PDGFRA: variants seen among roughly 807,000 people sequenced by gnomAD.
PDGFRA encodes platelet derived growth factor receptor alpha.
A neutral mutation model predicts 121.5 loss-of-function variants in PDGFRA; 25 were observed. The observed-to-expected ratio is 0.21, with a 90% CI of 0.15 to 0.29. The LOEUF is 0.29. PDGFRA is among the 10% of genes least tolerant of loss of function. PDGFRA has a pLI of 1.00. For missense variants in PDGFRA, 1,008 were observed against 1,345.1 expected (o/e 0.75, Z 3.92); for synonymous variants, 463 against 494.8 (o/e 0.94, Z 0.85).
At chr4:54,280,808 GCTGT>G (rs536985185) in intron 16 of PDGFRA, 280 of 172,386 alleles carry the variant, frequency 1.6e-3, no homozygotes, top group Non-Finnish European at 2.9e-3. Flanking sequence ...CTTTTTTATT[GCTGT>G]CTTTTTCTTT....
intron 16 of PDGFRA, among the ~76,000 whole-genome samples, chr4:54,282,173 C>T (rs1164786936): frequency 1.3e-5 from 2 of 151,632 alleles, no homozygotes; most frequent in African/African-American, 2.4e-5. Context: ...TTTGTGTGTG[C>T]GTGTATGTCT....
At chr4:54,281,916 A>G in intron 16 of PDGFRA, 2 of 1,157,596 alleles carry the variant, frequency 1.7e-6, no homozygotes, top group Non-Finnish European at 2.1e-6. Context: ...TTTATTAACA[A>G]ATTATAAGCA....
chr4:54,293,009 C>T (rs749009931), intron 22 of PDGFRA, among the ~76,000 whole-genome samples: 1 of 152,156 alleles, frequency 6.6e-6, no homozygotes, highest in Non-Finnish European at 1.5e-5. Flanking sequence ...AACCTGCACA[C>T]GTGCCCTTGA....
intron 22 of PDGFRA, among the ~76,000 whole-genome samples, chr4:54,291,776 G>A (rs1464162179): frequency 6.6e-6 from 1 of 152,148 alleles, no homozygotes; most frequent in Non-Finnish European, 1.5e-5. Context: ...TCCCATTACT[G>A]GGTATATAAC....
intron 18 of PDGFRA, among the ~76,000 whole-genome samples, chr4:54,286,197 G>A (rs1369234049): frequency 1.3e-5 from 2 of 152,162 alleles, no homozygotes; most frequent in Non-Finnish European, 2.9e-5. Context: ...CTCCCTGATT[G>A]TAGTGGGAGG....
At position 54,239,196 on chromosome 4, in the gene PDGFRA, C is replaced by T. The variant is rs149636505; in HGVS notation, c.-13+9781C>T. Among the ~76,000 whole-genome samples the T allele has an allele frequency of 8.0e-4, 122 of 152,284 alleles. 3 individuals are homozygous for T. The East Asian group carries it at 0.017, about 21-fold the overall frequency. ...AATGACCAGAGATACTCTATATGGT[C>T]TAAAAAGGGGAGGAACCCTCAGTCC... is the stretch of plus-strand genomic sequence containing the variant. On this transcript the variant is annotated intron_variant, in intron 1 of 22. Coordinates refer to ENST00000257290, the MANE Select transcript of PDGFRA (RefSeq NM_006206.6).
rs2110349136 is a variant in PDGFRA at position 54,290,545 on chromosome 4, A to G, written c.3113A>G (p.Asn1038Ser). ...GAGGAGGAGGACCTGGGCAAGAGGA[A>G]CAGACACAGGTAGCTGTGGGGGCAG... ...VPEEEDLGKR[N>S]RHSSQTSEES... The change falls in exon 22 of 23, where the codon AAC becomes AGC. Residue 1038 changes from asparagine to serine, a missense_variant. By Grantham distance (46) the Asn-to-Ser change is conservative. Coordinates refer to ENST00000257290, the MANE Select transcript of PDGFRA (RefSeq NM_006206.6). 1 of 1,614,198 alleles carries G rather than the reference A, an allele frequency of 6.2e-7. No individual in the cohort carries two copies. Among genetic ancestry groups the G allele is most frequent in the Non-Finnish European group, 8.5e-7 (1 of 1,180,022 alleles).
chr4:54,283,970 A>G (rs1241442647), intron 16 of PDGFRA, among the ~76,000 whole-genome samples: 1 of 152,198 alleles, frequency 6.6e-6, no homozygotes, highest in African/African-American at 2.4e-5. Context: ...ACTGTAGGCT[A>G]TTGGAAGCAG....
rs933983216 is a variant in PDGFRA at position 54,298,021 on chromosome 4, TA to T, written c.*2751del. 10 of 230,622 alleles carry T rather than the reference TA, an allele frequency of 4.3e-5. No homozygotes were observed. Among genetic ancestry groups the T allele is most frequent in the African/African-American group, 1.5e-4 (7 of 45,314 alleles). 14.3% of individuals were successfully genotyped at this position (230,622 alleles called of 1,614,324 possible). ...ACTGTGATAATCCCCACAGGCACAT[TA>T]ACTGTTGCACTTTTGAATGTCCAAA... On this transcript the variant is annotated 3_prime_UTR_variant, in exon 23 of 23. Transcript: ENST00000257290.
chr4:54,233,037 G>T (rs569179528), intron 1 of PDGFRA, among the ~76,000 whole-genome samples: 3 of 82,984 alleles, frequency 3.6e-5, no homozygotes, highest in East Asian at 6.5e-4. Context: ...CCCCCCACCC[G>T]CCCGGATTCT....
chr4:54,277,822 T>C, intron 13 of PDGFRA, 74 bp from the exon 14 acceptor site: 1 of 933,960 alleles, frequency 1.1e-6, no homozygotes, highest in Non-Finnish European at 1.8e-6. Context: ...GGATTAGTCA[T>C]ATTCTTGGTT....
rs145373394 is a variant in PDGFRA, at chr4:54,276,816, C to T, written c.1787-572C>T. The T allele has an allele frequency of 8.5e-4, 136 of 159,918 alleles. 2 individuals are homozygous for T. The highest frequency in any genetic ancestry group is 3.0e-3 in the African/African-American group (123 of 41,614). The allele number at this position is 159,918 out of a possible 1,614,324, so 9.9% of individuals were successfully genotyped here. A position where few individuals can be genotyped will look rare whatever the true frequency, so the allele number is the denominator to read the frequency against. Reference sequence around the variant, plus strand: ...TGGGACAACAGCTTCAGTGTCTTTACGTATGTCTCCTCCCAACATGAAGCT... The same window carrying T: ...TGGGACAACAGCTTCAGTGTCTTTATGTATGTCTCCTCCCAACATGAAGCT... On this transcript the variant is annotated intron_variant, in intron 12 of 22. Transcript: ENST00000257290.
chr4:54,262,067 G>T (rs1274369868), intron 3 of PDGFRA, among the ~76,000 whole-genome samples: 1 of 151,490 alleles, frequency 6.6e-6, no homozygotes, highest in African/African-American at 2.4e-5. Flanking sequence ...CAGTAGCTGG[G>T]ATTACAGGCA....
chr4:54,274,484 T>TGTCTG (rs1560479884), intron 10 of PDGFRA, 47 bp from the exon 11 acceptor site: 4 of 1,352,914 alleles, frequency 3.0e-6, no homozygotes, highest in Middle Eastern at 3.6e-4. Context: ...CCCCTGTGCA[T>TGTCTG]GTCTGCCAGG....
rs1285767099 is a variant in PDGFRA, at chr4:54,273,636, G to T, written c.1464G>T (p.Val488=). 1 of 1,614,102 alleles carries T rather than the reference G, an allele frequency of 6.2e-7. No individual in the cohort carries two copies. The highest frequency in any genetic ancestry group is 2.2e-5 in the East Asian group (1 of 44,878). The change falls in exon 10 of 23, where the codon GTG becomes GTT. Residue 488 remains valine, a synonymous_variant. Coordinates refer to ENST00000257290, the MANE Select transcript of PDGFRA (RefSeq NM_006206.6). The part of the protein sequence containing the change: ...SRDRSTVEGR[V]TFAKVEETIA... Reference sequence around the variant, plus strand: ...ACAGGAGTACCGTGGAGGGCCGTGTGACTTTCGCCAAAGTGGAGGAGACCA... The same window carrying T: ...ACAGGAGTACCGTGGAGGGCCGTGTTACTTTCGCCAAAGTGGAGGAGACCA...
In PDGFRA at chr4:54,248,757, A is replaced by C. The variant is rs183689290; in HGVS notation, c.-12-10000A>C. ...TAAAGAGCTTCTGCACAGTGAAAGAAACTACCATCAGAGTGAATAGGCAAC... is the reference window on the plus strand; with the variant it reads ...TAAAGAGCTTCTGCACAGTGAAAGACACTACCATCAGAGTGAATAGGCAAC... On this transcript the variant is annotated intron_variant, in intron 1 of 22. Coordinates refer to ENST00000257290, the MANE Select transcript of PDGFRA (RefSeq NM_006206.6). Among the ~76,000 whole-genome samples the C allele has an allele frequency of 1.6e-4, 25 of 152,328 alleles. No homozygotes were observed. In the East Asian group the frequency reaches 4.8e-3, roughly 29 times the overall value.
intron 12 of PDGFRA, among the ~76,000 whole-genome samples, chr4:54,275,916 C>A (rs925390177): frequency 2.0e-5 from 3 of 152,170 alleles, no homozygotes; most frequent in Non-Finnish European, 4.4e-5. Context: ...GAAAAAAAGA[C>A]AATAATAGCC....
In PDGFRA at chr4:54,257,580, TG is replaced by T. The variant is rs372898765; in HGVS notation, c.-12-1172del. On this transcript the variant is annotated intron_variant, in intron 1 of 22. Coordinates refer to ENST00000257290, the MANE Select transcript of PDGFRA (RefSeq NM_006206.6). ...GATTTTTGGGGGGTTATGTTAAAACTGGGGGCTCTGCCCAGGCCCCTCAGTG... is the reference window on the plus strand; with the variant it reads ...GATTTTTGGGGGGTTATGTTAAAACTGGGGCTCTGCCCAGGCCCCTCAGTG... Among the ~76,000 whole-genome samples, 550 of 152,270 alleles carry T rather than the reference TG, an allele frequency of 3.6e-3. 4 individuals are homozygous for T. Among genetic ancestry groups the T allele is most frequent in the African/African-American group, 0.013 (526 of 41,550 alleles).
chr4:54,274,452 A>G, intron 10 of PDGFRA, 79 bp from the exon 11 acceptor site: 2 of 1,019,982 alleles, frequency 2.0e-6, no homozygotes, highest in Non-Finnish European at 1.5e-6. Context: ...CCTGGCTCAG[A>G]CACAGCCACA....
Sources: allele counts gnomAD v4.1 joint callset (sites outside exome capture counted in the v4.1 genomes callset), GRCh38; gene constraint gnomAD v4.1.1; transcripts MANE v1.5; gene names NCBI Gene and HGNC (gene_info 2026-07-23, HGNC 2026-07-21).